Variants in ACOT11 observed in about 807,000 individuals in gnomAD.
The protein encoded by ACOT11 is acyl-coenzyme A thioesterase 11.
Under a neutral mutation model 77.5 loss-of-function variants are expected in ACOT11, and 69 were observed. The ratio of observed to expected loss-of-function variants is 0.89; its 90% CI spans 0.73 to 1.09. ACOT11 has a LOEUF of 1.09. ACOT11 is among the 50% of genes least tolerant of loss of function. The pLI, the probability that ACOT11 is intolerant of heterozygous loss-of-function variation, is 0.00. For synonymous variants in ACOT11, 279 were observed against 313.0 expected (o/e 0.89, Z 1.15); for missense variants, 766 against 813.7 (o/e 0.94, Z 0.71).
chr1:54,608,187 C>G (rs533655369), intron 15 of ACOT11, 119 bp downstream of exon 15: 4 of 941,406 alleles, frequency 4.2e-6, no homozygotes, highest in Non-Finnish European at 4.6e-6. Context: ...GCAGGCTCCC[C>G]CTTCCAGCCT....
At position 54,610,183 on chromosome 1, in the gene ACOT11, C is replaced by G; in HGVS notation, c.*1071C>G. On this transcript the variant is annotated 3_prime_UTR_variant, in exon 16 of 16. Transcript: ENST00000343744. ...GACTCAGCCTGGGGGCTGGTGCCGG[C>G]CTTGCCTGCAGCAATGTAGCTGAGG... 3 of 1,433,126 alleles carry G rather than the reference C, an allele frequency of 2.1e-6. No individual in the cohort carries two copies. The highest frequency in any genetic ancestry group is 2.7e-6 in the Non-Finnish European group (3 of 1,099,214). 88.8% of individuals were successfully genotyped at this position (1,433,126 alleles called of 1,614,324 possible).
At chr1:54,552,830 GTTT>G (rs199905803) in intron 1 of ACOT11, among the ~76,000 whole-genome samples, 1 of 132,284 alleles carries the variant, frequency 7.6e-6, no homozygotes, top group African/African-American at 2.8e-5. Flanking sequence ...TTTTTGTTTT[GTTT>G]TTTTTTTTTT....
rs774726600 is a variant in ACOT11 at position 54,584,788 on chromosome 1, G to C, written c.167G>C (p.Cys56Ser). 6.2e-7 allele frequency: 1 copy of C among 1,614,096 alleles called. No individual in the cohort carries two copies. Among genetic ancestry groups the C allele is most frequent in the South Asian group, 1.1e-5 (1 of 91,080 alleles). Residue 56 changes from cysteine (C) to serine (S), a missense_variant, in exon 2 of 16, where the codon TGC becomes TCC. Cys to Ser is a moderately radical substitution (Grantham distance 112, BLOSUM62 -1). Transcript: ENST00000343744. This position sits in a 1 kb window ranked among gnomAD's most constrained non-coding sequence, Gnocchi z 6.3. The part of the protein sequence containing the change: ...EVQMSQLVLP[C>S]HTNQRGELSV... ...CAGATGAGCCAGCTGGTGCTGCCCT[G>C]CCACACCAACCAACGTGGTGAGCTG...
intron 15 of ACOT11, chr1:54,619,928 A>G: frequency 6.2e-7 from 1 of 1,614,130 alleles, no homozygotes; most frequent in Non-Finnish European, 8.5e-7. Context: ...CCTCCAAGGC[A>G]TCTCGCCGGC....
intron 1 of ACOT11, among the ~76,000 whole-genome samples, chr1:54,559,194 A>T (rs191685486): frequency 2.0e-5 from 3 of 152,318 alleles, no homozygotes; most frequent in Admixed American, 2.0e-4. Context: ...ACTTCCGTGC[A>T]CCTAGAATGT....
At chr1:54,612,880 G>A (rs1486926723), downstream of ACOT11, among the ~76,000 whole-genome samples, 2 of 152,146 alleles carry the variant, frequency 1.3e-5, no homozygotes, top group Non-Finnish European at 2.9e-5. Context: ...TAAATTGGGC[G>A]TGGACTTTGG....
intron 1 of ACOT11, among the ~76,000 whole-genome samples, chr1:54,568,539 T>C (rs1204846281): frequency 6.6e-6 from 1 of 151,880 alleles, no homozygotes; most frequent in Non-Finnish European, 1.5e-5. Context: ...TAATTTTGTA[T>C]CTTTAGTAGA....
rs146589423 is a variant in ACOT11, at chr1:54,618,646, G to A, written c.1629+10578G>A. ...GAGAGGAAAGGATTTGTTTCCTGTG[G>A]CCACAGCTGTAGCCCTGGTCCTCAG... On this transcript the variant is annotated intron_variant, in intron 15 of 16. Coordinates refer to the ACOT11 transcript ENST00000371316. 2.1e-3 allele frequency among the ~76,000 whole-genome samples: 326 copies of A among 152,266 alleles called. 3 individuals are homozygous for A. The highest frequency in any genetic ancestry group is 0.01 in the Middle Eastern group (3 of 294).
At chr1:54,605,582 T>C (rs1049389210) in intron 13 of ACOT11, among the ~76,000 whole-genome samples, 13 of 152,180 alleles carry the variant, frequency 8.5e-5, no homozygotes, top group African/African-American at 3.1e-4. Context: ...TGTGGAGTTC[T>C]GTGTTCCCAA....
At chr1:54,572,901 T>G in intron 1 of ACOT11, 6 of 983,844 alleles carry the variant, frequency 6.1e-6, no homozygotes, top group Non-Finnish European at 7.2e-6. Flanking sequence ...TAGCTGAACC[T>G]GAGGTTTCCT....
chr1:54,577,667 G>T (rs535865852), intron 1 of ACOT11, among the ~76,000 whole-genome samples: 1 of 152,276 alleles, frequency 6.6e-6, no homozygotes, highest in South Asian at 2.1e-4. Flanking sequence ...GTTCTTTTGG[G>T]TATATAACTA....
chr1:54,560,534 T>G (rs1471063961), intron 1 of ACOT11, among the ~76,000 whole-genome samples: 2 of 152,202 alleles, frequency 1.3e-5, no homozygotes, highest in African/African-American at 2.4e-5. Context: ...TAAGCATCTG[T>G]TTTTGTTTTC....
intron 4 of ACOT11, 42 bp downstream of exon 4, chr1:54,592,648 G>C: frequency 6.2e-7 from 1 of 1,600,478 alleles, no homozygotes; most frequent in Non-Finnish European, 8.5e-7. Context: ...TGCGTGGGTG[G>C]GTCCTCTACC....
intron 1 of ACOT11, among the ~76,000 whole-genome samples, chr1:54,552,229 G>A (rs1165227302): frequency 6.6e-6 from 1 of 152,262 alleles, no homozygotes; most frequent in East Asian, 1.9e-4. Flanking sequence ...GAGAGGCAGG[G>A]TCCCGTCTCT....
At chr1:54,590,658 A>C (rs1343327525) in intron 3 of ACOT11, among the ~76,000 whole-genome samples, 1 of 152,196 alleles carries the variant, frequency 6.6e-6, no homozygotes, top group African/African-American at 2.4e-5. Context: ...ACATATAGAA[A>C]AGTTGAATAG....
intron 1 of ACOT11, among the ~76,000 whole-genome samples, chr1:54,561,394 T>C (rs1220093771): frequency 2.8e-5 from 3 of 107,826 alleles, no homozygotes; most frequent in African/African-American, 4.1e-5. Flanking sequence ...ACACAGCACA[T>C]GTTTCAGAGA....
In ACOT11 at chr1:54,607,074, C is replaced by T; in HGVS notation, c.1371-60C>T. 6.2e-7 allele frequency: 1 copy of T among 1,607,014 alleles called. No homozygotes were observed. The highest frequency in any genetic ancestry group is 1.3e-5 in the African/African-American group (1 of 74,976). ...GCAGTGTGGCAGGGCCCGGGCAGAC[C>T]CGCTGCTTGCATGGGAGCTGGAAGC... On this transcript the variant is annotated intron_variant, in intron 13 of 15. Coordinates refer to ENST00000343744, the MANE Select transcript of ACOT11 (RefSeq NM_147161.4). This position sits in a 1 kb window ranked among gnomAD's most constrained non-coding sequence, Gnocchi z 4.5.
intron 15 of ACOT11, among the ~76,000 whole-genome samples, chr1:54,618,958 C>T (rs1644201692): frequency 1.3e-5 from 2 of 152,086 alleles, no homozygotes; most frequent in Admixed American, 1.3e-4. Flanking sequence ...GTGTAAGGGG[C>T]CATCTGGTAT....
intron 15 of ACOT11, among the ~76,000 whole-genome samples, chr1:54,616,360 C>A (rs1455400391): frequency 1.3e-5 from 2 of 151,698 alleles, no homozygotes; most frequent in Non-Finnish European, 2.9e-5. Flanking sequence ...TTCTTCTATG[C>A]ATAGGTTTTT....
Sources: gnomAD v4.1 joint callset for allele counts (sites outside exome capture counted in the v4.1 genomes callset) on GRCh38, gnomAD v4.1.1 for gene constraint, Gnocchi (gnomAD v3.1) non-coding constraint, MANE v1.5 for transcripts, NCBI Gene and HGNC (gene_info 2026-07-23, HGNC 2026-07-21) for gene names.